The following CXADR variants were observed in gnomAD, a reference collection of about 807,000 sequenced individuals.
The protein encoded by CXADR is coxsackievirus and adenovirus receptor.
CXADR carries 20 observed loss-of-function variants against 40.3 expected under a neutral mutation model. That is an observed-to-expected ratio of 0.50 (90% CI 0.35 to 0.72). CXADR has a LOEUF of 0.72. Among genes scored for constraint, CXADR ranks in the 30% least tolerant of loss-of-function variants. CXADR has a pLI of 0.01. For synonymous variants in CXADR, 150 were observed against 161.3 expected (o/e 0.93, Z 0.53); for missense variants, 332 against 449.1 (o/e 0.74, Z 2.36).
chr21:17,634,657 G>A, the CXADR span, among the ~76,000 whole-genome samples: 1,219 of 152,338 alleles, frequency 8.0e-3, 10 homozygotes, highest in Middle Eastern at 0.017. Flanking sequence ...ACTACATTTG[G>A]AGGACTGCAG....
At chr21:17,547,300 G>GC in intron 2 of CXADR, 107 bp downstream of exon 2, 2 of 1,484,644 alleles carry the variant, frequency 1.3e-6, no homozygotes, top group Middle Eastern at 2.3e-4. Flanking sequence ...TAGGAAGGAA[G>GC]CCCCCCAACT....
At chr21:17,541,309 T>G (rs1260054660) in intron 1 of CXADR, among the ~76,000 whole-genome samples, 3 of 152,070 alleles carry the variant, frequency 2.0e-5, no homozygotes, top group African/African-American at 7.2e-5. Flanking sequence ...TCCCAGCACT[T>G]TGGGAGGCCG....
intron 3 of CXADR, among the ~76,000 whole-genome samples, chr21:17,557,485 C>T (rs895096189): frequency 6.6e-6 from 1 of 152,170 alleles, no homozygotes; most frequent in Non-Finnish European, 1.5e-5. Flanking sequence ...CGTGGTTCCT[C>T]GTAATGCCGT....
At chr21:17,576,577 G>C (rs557425284) in intron 7 of CXADR, among the ~76,000 whole-genome samples, 1 of 152,146 alleles carries the variant, frequency 6.6e-6, no homozygotes, top group East Asian at 1.9e-4. Flanking sequence ...CCACTTTTCC[G>C]GGGGTAGATT....
Position 17,575,509 on chromosome 21 carries a change from G to A in CXADR, c.1017+9898G>A, listed in dbSNP as rs1359698116. ...ATTGTAAAATTTTTTTTTTTTTTTT[G>A]AGGCGGAGTCTCGCTCCGTTGCCCA... On this transcript the variant is annotated intron_variant, in intron 7 of 7. Transcript: ENST00000400169. Among the ~76,000 whole-genome samples, 5 of 132,932 alleles carry A rather than the reference G, an allele frequency of 3.8e-5. No homozygotes were observed. In the South Asian group the frequency reaches 1.2e-3, roughly 32 times the overall value. 87.2% of individuals were successfully genotyped at this position (132,932 alleles called of 152,430 possible).
At chr21:17,514,078 G>A (rs2060427746) in intron 1 of CXADR, among the ~76,000 whole-genome samples, 1 of 152,194 alleles carries the variant, frequency 6.6e-6, no homozygotes, top group Non-Finnish European at 1.5e-5. Flanking sequence ...TTCCATGTCG[G>A]TGTTTTAACC....
the CXADR span, among the ~76,000 whole-genome samples, chr21:17,628,645 C>T: frequency 3.3e-5 from 5 of 152,270 alleles, no homozygotes; most frequent in South Asian, 2.1e-4. Context: ...GAATTACAGG[C>T]GCACGCCACC....
At chr21:17,525,575 C>T (rs1451807405) in intron 1 of CXADR, among the ~76,000 whole-genome samples, 1 of 152,224 alleles carries the variant, frequency 6.6e-6, no homozygotes, top group Non-Finnish European at 1.5e-5. Context: ...TGGGAGATTT[C>T]TGTCAAGGAC....
the CXADR span, among the ~76,000 whole-genome samples, chr21:17,603,076 T>G: frequency 6.6e-6 from 1 of 152,204 alleles, no homozygotes; most frequent in Non-Finnish European, 1.5e-5. Context: ...CTTCTCACAT[T>G]TCATGGGTTA....
intron 1 of CXADR, among the ~76,000 whole-genome samples, chr21:17,523,731 T>C (rs2060559487): frequency 6.6e-6 from 1 of 152,160 alleles, no homozygotes; most frequent in African/African-American, 2.4e-5. Context: ...TTAAAAATTA[T>C]CCAACCAGAA....
chr21:17,567,183 G>A lies in CXADR; in HGVS notation c.*1491G>A. ...AAAACCTTTCCCTAGATTTTAGTAG[G>A]GAGTTGGTTTCTGTTAATATCTTTG... On this transcript the variant is annotated 3_prime_UTR_variant, in exon 7 of 7. Transcript: ENST00000284878. 1 of 985,182 alleles carries A rather than the reference G, an allele frequency of 1.0e-6. No homozygotes were observed. The highest frequency in any genetic ancestry group is 1.7e-5 in the African/African-American group (1 of 57,318). The allele number at this position is 985,182 out of a possible 1,614,324, so 61.0% of individuals were successfully genotyped here. A position where few individuals can be genotyped will look rare whatever the true frequency, so the allele number is the denominator to read the frequency against.
In CXADR at chr21:17,568,770, T is replaced by G. The variant is rs574617484; in HGVS notation, c.*3078T>G. 8.8e-5 allele frequency: 87 copies of G among 985,144 alleles called. No homozygotes were observed. The highest frequency in any genetic ancestry group is 1.0e-4 in the Non-Finnish European group (83 of 829,918). The allele number at this position is 985,144 out of a possible 1,614,324, so 61.0% of individuals were successfully genotyped here. ...AATCTTAACTAATATGATTCCCTTG[T>G]TAGAGAGCCTCTCACTCCCCCACCC... On this transcript the variant is annotated 3_prime_UTR_variant, in exon 7 of 7. Coordinates refer to ENST00000284878, the MANE Select transcript of CXADR (RefSeq NM_001338.5).
chr21:17,595,461 T>A (rs1263208188), downstream of CXADR, among the ~76,000 whole-genome samples: 3 of 152,142 alleles, frequency 2.0e-5, no homozygotes, highest in South Asian at 4.1e-4. Context: ...AACATTTTTT[T>A]AAATATACCT....
At position 17,551,851 on chromosome 21, in the gene CXADR, A is replaced by C; in HGVS notation, c.313A>C (p.Ile105Leu). ...SNDLKSGDAS[I>L]NVTNLQLSDI... is the part of the protein sequence containing the mutation. ...TGATCTCAAATCTGGTGATGCATCA[A>C]TAAATGTAACGAATTTACAACTGTC... is the stretch of plus-strand genomic sequence containing the variant. Residue 105 changes from isoleucine to leucine, a missense_variant, in exon 3 of 7, where the codon ATA becomes CTA. Ile to Leu is a conservative substitution (Grantham distance 5). Around this residue, in one of 3 missense-constraint regions of CXADR, gnomAD observed 162 missense variants for 198.5 expected, o/e 0.82. Transcript: ENST00000284878. 9.9e-6 allele frequency: 16 copies of C among 1,613,982 alleles called. No individual in the cohort carries two copies. Among genetic ancestry groups the C allele is most frequent in the Non-Finnish European group, 1.4e-5 (16 of 1,179,862 alleles).
At chr21:17,582,259 G>A (rs1287418858) in intron 7 of CXADR, among the ~76,000 whole-genome samples, 1 of 152,248 alleles carries the variant, frequency 6.6e-6, no homozygotes, top group Non-Finnish European at 1.5e-5. Flanking sequence ...TGATGCACCC[G>A]CCTTGGCCTC....
At chr21:17,538,350 G>A (rs1008518244) in intron 1 of CXADR, among the ~76,000 whole-genome samples, 1 of 152,136 alleles carries the variant, frequency 6.6e-6, no homozygotes, top group African/African-American at 2.4e-5. Context: ...AGATGATGAT[G>A]GAGATGATGA....
chr21:17,567,905 C>T lies in CXADR; in HGVS notation c.*2213C>T, dbSNP rs1187495765. On this transcript the variant is annotated 3_prime_UTR_variant, in exon 7 of 7. Coordinates refer to ENST00000284878, the MANE Select transcript of CXADR (RefSeq NM_001338.5). ...ATATGAGGAACAAGACTTCTCTTCC[C>T]ATATACTTCATATTTTAGAGGACAT... is the stretch of plus-strand genomic sequence containing the variant. The T allele has an allele frequency of 5.1e-6, 5 of 978,606 alleles. No individual in the cohort carries two copies. The highest frequency in any genetic ancestry group is 4.7e-5 in the South Asian group (1 of 21,148). The allele number at this position is 978,606 out of a possible 1,614,324, so 60.6% of individuals were successfully genotyped here.
At chr21:17,579,424 A>G (rs955583681) in intron 7 of CXADR, among the ~76,000 whole-genome samples, 4 of 152,006 alleles carry the variant, frequency 2.6e-5, no homozygotes, top group African/African-American at 9.7e-5. Flanking sequence ...AGCTGGGACT[A>G]CAGGTGCATG....
At chr21:17,628,068 C>T in the CXADR span, among the ~76,000 whole-genome samples, 1 of 152,108 alleles carries the variant, frequency 6.6e-6, no homozygotes, top group Non-Finnish European at 1.5e-5. Flanking sequence ...AATCAATACT[C>T]AAATAAGAGT....
Sources: allele counts gnomAD v4.1 joint callset (sites outside exome capture counted in the v4.1 genomes callset), GRCh38; gene constraint gnomAD v4.1.1; regional missense constraint gnomAD v4.1.1; transcripts MANE v1.5; gene names NCBI Gene and HGNC (gene_info 2026-07-23, HGNC 2026-07-21).